Variants in PUM2 observed in about 807,000 individuals in gnomAD.
The protein encoded by PUM2 is pumilio RNA binding family member 2, also known as pumilio homolog 2.
In PUM2, 57 loss-of-function variants were observed where a neutral mutation model predicts 124.5. That is an observed-to-expected ratio of 0.46 (90% confidence interval 0.37 to 0.57). PUM2 has a LOEUF of 0.57. PUM2 is among the 20% of genes least tolerant of loss of function. PUM2 has a pLI of 0.00. For missense variants in PUM2, 1,065 were observed against 1,290.6 expected, an observed-to-expected ratio of 0.83 and a Z score of 2.68; for synonymous variants, 460 against 446.1, an observed-to-expected ratio of 1.03 and a Z score of -0.39.
chr2:20,343,801 C>T (rs531524842), intron 1 of PUM2, among the ~76,000 whole-genome samples: 95 of 152,138 alleles, frequency 6.2e-4, no homozygotes, highest in African/African-American at 2.1e-3. Context: ...TGATGTTGTG[C>T]GCCTGTAATG....
intron 1 of PUM2, among the ~76,000 whole-genome samples, chr2:20,347,324 G>A (rs930948482): frequency 6.6e-6 from 1 of 152,110 alleles, no homozygotes; most frequent in African/African-American, 2.4e-5. Context: ...TTAATTAGGC[G>A]TGTCTTGATT....
At chr2:20,254,669 C>T (rs567245467) in intron 19 of PUM2, among the ~76,000 whole-genome samples, 194 bp downstream of exon 19, 1 of 151,606 alleles carries the variant, frequency 6.6e-6, no homozygotes, top group African/African-American at 2.4e-5. Context: ...CATAAATGAA[C>T]ATATGTGGGC....
intron 15 of PUM2, among the ~76,000 whole-genome samples, chr2:20,258,705 G>T (rs1163271550): frequency 7.8e-6 from 1 of 127,960 alleles, no homozygotes; most frequent in Non-Finnish European, 1.6e-5. Flanking sequence ...CTGTCGCCCA[G>T]GCTGGACTGC....
At chr2:20,316,498 TAA>T (rs201238750) in intron 3 of PUM2, among the ~76,000 whole-genome samples, 7 of 142,176 alleles carry the variant, frequency 4.9e-5, no homozygotes, top group Admixed American at 7.0e-5. Context: ...TGTATTAACT[TAA>T]AAAAAAAAAA....
At chr2:20,288,522 C>A (rs189597328) in intron 10 of PUM2, among the ~76,000 whole-genome samples, 1 of 152,080 alleles carries the variant, frequency 6.6e-6, no homozygotes, top group African/African-American at 2.4e-5. Flanking sequence ...TTAGGATGAA[C>A]AGGCAGAATA....
intron 4 of PUM2, among the ~76,000 whole-genome samples, chr2:20,311,917 T>G (rs1001154417): frequency 6.6e-6 from 1 of 152,194 alleles, no homozygotes. Context: ...AGATTAAAAT[T>G]TTCTTTAATG....
chr2:20,335,917 C>T (rs1685898534), intron 1 of PUM2, among the ~76,000 whole-genome samples: 1 of 152,128 alleles, frequency 6.6e-6, no homozygotes, highest in African/African-American at 2.4e-5. Context: ...GGGGAATCAC[C>T]ATATATTTGG....
chr2:20,318,256 A>G (rs892623768), intron 3 of PUM2, among the ~76,000 whole-genome samples: 8 of 152,180 alleles, frequency 5.3e-5, no homozygotes, highest in African/African-American at 1.7e-4. Context: ...CCTTGATAAA[A>G]TCTTACTGTG....
At position 20,278,622 on chromosome 2, in the gene PUM2, A is replaced by G. The variant is rs1300620811; in HGVS notation, c.1918T>C (p.Ser640Pro). 1.2e-6 allele frequency: 2 copies of G among 1,613,374 alleles called. No individual in the cohort carries two copies. Among genetic ancestry groups the G allele is most frequent in the Non-Finnish European group, 8.5e-7 (1 of 1,179,554 alleles). Residue 640 changes from serine to proline, a missense_variant, in exon 13 of 21, where the codon TCA (serine) becomes CCA (proline). Transcript: ENST00000361078. ...TPGHSLTPPP[S>P]LSSHGSSSSL... is the part of the protein sequence containing the mutation. ...GATGAGGATCCATGTGATGAAAGTG[A>G]TGGCGGTGGCGTAAGTGAATGTCCT...
At chr2:20,251,788 A>G (rs1217398061) in intron 20 of PUM2, 72 bp from the exon 21 acceptor site, 3 of 1,532,260 alleles carry the variant, frequency 2.0e-6, no homozygotes, top group Admixed American at 3.6e-5. Context: ...AGCACCCCCA[A>G]TTCTGGGTAA....
intron 16 of PUM2, among the ~76,000 whole-genome samples, chr2:20,257,784 A>G (rs1373781883): frequency 1.3e-5 from 2 of 152,204 alleles, no homozygotes; most frequent in African/African-American, 4.8e-5. Flanking sequence ...TCAAAAAATT[A>G]TAAATTTTTA....
intron 7 of PUM2, among the ~76,000 whole-genome samples, chr2:20,300,152 A>G (rs1010042576): frequency 9.5e-5 from 14 of 147,682 alleles, no homozygotes; most frequent in African/African-American, 3.2e-4. Context: ...TTCAGGTTAA[A>G]TTTTTTTTTT....
Position 20,260,475 on chromosome 2 carries a change from G to A in PUM2, c.2226-9C>T. The A allele has an allele frequency of 6.3e-7, 1 of 1,596,774 alleles. No homozygotes were observed. The highest frequency in any genetic ancestry group is 8.6e-7 in the Non-Finnish European group (1 of 1,166,782). ...GTTTTTGCTGTATGAATCTACATAGGGAACATTTTTAATATGACAATATGT... is the reference window on the plus strand; with the variant it reads ...GTTTTTGCTGTATGAATCTACATAGAGAACATTTTTAATATGACAATATGT... On this transcript the variant is annotated splice_polypyrimidine_tract_variant and intron_variant, in intron 14 of 20. Transcript: ENST00000361078.
At chr2:20,324,267 C>T (rs1476721817) in intron 2 of PUM2, among the ~76,000 whole-genome samples, 2 of 152,124 alleles carry the variant, frequency 1.3e-5, no homozygotes, top group Non-Finnish European at 2.9e-5. Context: ...AGTCTCCTTC[C>T]TCCCCTACCT....
intron 13 of PUM2, among the ~76,000 whole-genome samples, chr2:20,277,654 T>C (rs192282699): frequency 9.2e-5 from 14 of 152,238 alleles, no homozygotes; most frequent in Admixed American, 6.6e-4. Context: ...ACCCATGTAA[T>C]TGGAGGGGGT....
chr2:20,251,803 G>C lies in PUM2; in HGVS notation c.3064-87C>G, dbSNP rs904090303. 6 of 1,470,748 alleles carry C rather than the reference G, an allele frequency of 4.1e-6. No homozygotes were observed. In the African/African-American group the frequency reaches 8.5e-5, roughly 21 times the overall value. The allele number at this position is 1,470,748 out of a possible 1,614,324, so 91.1% of individuals were successfully genotyped here. ...AGCACCCCCAATTCTGGGTAATTTA[G>C]AGGAATAACTGCAATTAAAAAAAAT... On this transcript the variant is annotated intron_variant, in intron 20 of 20. Transcript: ENST00000361078.
At position 20,336,748 on chromosome 2, in the gene PUM2, C is replaced by G. The variant is rs867201019; in HGVS notation, c.-18-9370G>C. ...GTCTCACCATGTTGCCCAGGCTGAT[C>G]TGTGTGTGTGTGTGTGTGTGTGTGT... On this transcript the variant is annotated intron_variant, in intron 1 of 20. Transcript: ENST00000361078. Among the ~76,000 whole-genome samples, 131 of 97,496 alleles carry G rather than the reference C, an allele frequency of 1.3e-3. 1 individual carries two copies. Among genetic ancestry groups the G allele is most frequent in the Middle Eastern group, 0.011 (2 of 190 alleles). The allele number at this position is 97,496 out of a possible 152,430, so 64.0% of individuals were successfully genotyped here. A position where few individuals can be genotyped will look rare whatever the true frequency, so the allele number is the denominator to read the frequency against.
At chr2:20,290,875 A>C in intron 9 of PUM2, 85 bp from the exon 10 acceptor site, 1 of 1,111,660 alleles carries the variant, frequency 9.0e-7, no homozygotes, top group Non-Finnish European at 1.2e-6. Flanking sequence ...ATTTATTACA[A>C]ACAGCCTTTG....
At chr2:20,295,494 T>G (rs1054389715) in intron 8 of PUM2, among the ~76,000 whole-genome samples, 2 of 151,948 alleles carry the variant, frequency 1.3e-5, no homozygotes, top group African/African-American at 4.8e-5. Context: ...AAGCTGAACC[T>G]GAAATGAGGA....
Sources: gnomAD v4.1 joint callset for allele counts (sites outside exome capture counted in the v4.1 genomes callset) on GRCh38, gnomAD v4.1.1 for gene constraint, MANE v1.5 for transcripts, NCBI Gene and HGNC (gene_info 2026-07-23, HGNC 2026-07-21) for gene names.